The following XKR6 variants were observed in gnomAD, a reference collection of about 807,000 sequenced individuals.
XKR6 encodes the protein XK related 6, also known as XK-related protein 6.
A neutral mutation model predicts 56.7 loss-of-function variants in XKR6; 22 were observed. The observed-to-expected ratio is 0.39, with a 90% confidence interval of 0.28 to 0.55. XKR6 has a LOEUF of 0.55. XKR6 is among the 20% of genes least tolerant of loss of function. The pLI is 0.66. For missense variants in XKR6, 852 were observed against 889.0 expected, an observed-to-expected ratio of 0.96 and a Z score of 0.53; for synonymous variants, 524 against 387.8, an observed-to-expected ratio of 1.35 and a Z score of -4.13.
intron 2 of XKR6, among the ~76,000 whole-genome samples, chr8:10,906,953 C>T (rs1350960099): frequency 1.3e-5 from 2 of 152,056 alleles, no homozygotes; most frequent in South Asian, 4.1e-4. Flanking sequence ...GAGGCTGAGA[C>T]AGGGGAATCG....
intron 1 of XKR6, among the ~76,000 whole-genome samples, chr8:11,048,611 G>A (rs1387423221): frequency 1.3e-5 from 2 of 152,198 alleles, no homozygotes; most frequent in Non-Finnish European, 2.9e-5. Context: ...GGATTCGGAT[G>A]CACGGTGAGG....
intron 1 of XKR6, among the ~76,000 whole-genome samples, chr8:11,159,410 C>T (rs1369263284): frequency 6.6e-6 from 1 of 152,222 alleles, no homozygotes; most frequent in Non-Finnish European, 1.5e-5. Flanking sequence ...ATGGCAAATA[C>T]TGACCTAGAT....
rs1250267562 is a variant in XKR6 at position 10,937,775 on chromosome 8, C to T, written c.765-12945G>A. Among the ~76,000 whole-genome samples, 32 of 151,108 alleles carry T rather than the reference C, an allele frequency of 2.1e-4. 1 individual carries two copies. The highest frequency in any genetic ancestry group is 3.9e-4 in the East Asian group (2 of 5,150). ...CTGCCCGTTCTCAGATCTCCAGCTG[C>T]GTGCTGGGAGAACCACTGCTCTCTT... On this transcript the variant is annotated intron_variant, in intron 1 of 2. Coordinates refer to ENST00000416569, the MANE Select transcript of XKR6 (RefSeq NM_173683.4).
chr8:10,986,468 T>G (rs1586394503), intron 1 of XKR6, among the ~76,000 whole-genome samples: 1 of 152,216 alleles, frequency 6.6e-6, no homozygotes, highest in Non-Finnish European at 1.5e-5. Context: ...CACCATTATC[T>G]TTATACTTCA....
chr8:10,980,536 C>T (rs1001935480), intron 1 of XKR6, among the ~76,000 whole-genome samples: 1 of 152,184 alleles, frequency 6.6e-6, no homozygotes, highest in Non-Finnish European at 1.5e-5. Flanking sequence ...ACATTCCTAG[C>T]ATGTTGTATG....
intron 1 of XKR6, among the ~76,000 whole-genome samples, chr8:11,184,162 T>C (rs1223538311): frequency 6.6e-6 from 1 of 152,234 alleles, no homozygotes; most frequent in Non-Finnish European, 1.5e-5. Context: ...TATAGTTTTA[T>C]TCTAATTATA....
chr8:10,977,797 C>A (rs922915532), intron 1 of XKR6, among the ~76,000 whole-genome samples: 19 of 151,618 alleles, frequency 1.3e-4, no homozygotes, highest in Admixed American at 4.6e-4. Context: ...ATAGCACATA[C>A]CTTCCAAGTG....
intron 1 of XKR6, among the ~76,000 whole-genome samples, chr8:11,047,588 G>A (rs1223697421): frequency 6.6e-6 from 1 of 152,186 alleles, no homozygotes; most frequent in Non-Finnish European, 1.5e-5. Flanking sequence ...CATAGAGACA[G>A]AAAGTAGAAT....
At chr8:11,054,038 T>C (rs900483980) in intron 1 of XKR6, among the ~76,000 whole-genome samples, 6 of 152,236 alleles carry the variant, frequency 3.9e-5, no homozygotes, top group African/African-American at 1.2e-4. Context: ...TCTAACATTA[T>C]GTGATAACAC....
chr8:10,920,850 C>A (rs751089585), intron 2 of XKR6, among the ~76,000 whole-genome samples: 3 of 152,248 alleles, frequency 2.0e-5, no homozygotes, highest in Non-Finnish European at 2.9e-5. Flanking sequence ...TTTAGTCCAA[C>A]AGGTCCCAAA....
intron 1 of XKR6, among the ~76,000 whole-genome samples, chr8:11,167,023 G>T (rs1183333087): frequency 6.6e-6 from 1 of 152,176 alleles, no homozygotes; most frequent in Non-Finnish European, 1.5e-5. Flanking sequence ...AGCGTGTGTG[G>T]CGGTGGTAGA....
At chr8:11,178,555 T>TATATATATATATAC (rs1554479883) in intron 1 of XKR6, among the ~76,000 whole-genome samples, 8 of 141,444 alleles carry the variant, frequency 5.7e-5, no homozygotes, top group African/African-American at 1.8e-4. Context: ...AAAATATATA[T>TATATATATATATAC]ATATATATAT....
chr8:11,193,694 C>G (rs948629853), intron 1 of XKR6, among the ~76,000 whole-genome samples: 13 of 149,488 alleles, frequency 8.7e-5, no homozygotes, highest in African/African-American at 3.2e-4. Context: ...AGTTAAAGAA[C>G]ACATCTCAAA....
chr8:11,114,626 G>A (rs745779539), intron 1 of XKR6, among the ~76,000 whole-genome samples: 135 of 152,292 alleles, frequency 8.9e-4, no homozygotes, highest in Non-Finnish European at 1.7e-3. Context: ...CTCCCAAAGT[G>A]CTGGGATGAC....
chr8:11,153,083 T>C (rs1157801871), intron 1 of XKR6, among the ~76,000 whole-genome samples: 2 of 152,348 alleles, frequency 1.3e-5, no homozygotes, highest in South Asian at 2.1e-4. Flanking sequence ...TTATTCCACA[T>C]TACCCAGTGA....
intron 1 of XKR6, among the ~76,000 whole-genome samples, chr8:11,097,625 T>C (rs1467206036): frequency 6.6e-6 from 1 of 151,858 alleles, no homozygotes; most frequent in Non-Finnish European, 1.5e-5. Context: ...CTGGTCAACA[T>C]GGTGAAACCC....
At chr8:11,071,233 G>A (rs1410492236) in intron 1 of XKR6, among the ~76,000 whole-genome samples, 1 of 152,016 alleles carries the variant, frequency 6.6e-6, no homozygotes, top group Non-Finnish European at 1.5e-5. Flanking sequence ...GGCCCTGGAG[G>A]TACTGAAGAA....
chr8:11,092,857 C>T (rs888509842), intron 1 of XKR6, among the ~76,000 whole-genome samples: 1 of 152,178 alleles, frequency 6.6e-6, no homozygotes, highest in Non-Finnish European at 1.5e-5. Context: ...ACCAAACCAT[C>T]CAACCAGTCA....
At chr8:11,004,063 A>C (rs1252910650) in intron 1 of XKR6, among the ~76,000 whole-genome samples, 1 of 152,334 alleles carries the variant, frequency 6.6e-6, no homozygotes, top group Middle Eastern at 3.4e-3. Flanking sequence ...GCAGGACTAG[A>C]ACATGAGGAC....
Sources: gnomAD v4.1 joint callset for allele counts (sites outside exome capture counted in the v4.1 genomes callset) on GRCh38, gnomAD v4.1.1 for gene constraint, MANE v1.5 for transcripts, NCBI Gene and HGNC (gene_info 2026-07-23, HGNC 2026-07-21) for gene names.